ATP8A2: variants seen among roughly 807,000 people sequenced by gnomAD.
ATP8A2 encodes ATPase phospholipid transporting 8A2, also known as phospholipid-transporting ATPase IB.
In ATP8A2, 100 loss-of-function variants were observed where a neutral mutation model predicts 165.6. The ratio of observed to expected loss-of-function variants is 0.60; its 90% CI spans 0.51 to 0.71. ATP8A2 has a LOEUF of 0.71. Ranked by LOEUF, ATP8A2 falls within the 30% of genes least tolerant of loss-of-function variation. The pLI, the probability that ATP8A2 is intolerant of heterozygous loss-of-function variation, is 0.00. For missense variants in ATP8A2, 1,227 were observed against 1,479.5 expected, an observed-to-expected ratio of 0.83 and a Z score of 2.80; for synonymous variants, 543 against 548.8, an observed-to-expected ratio of 0.99 and a Z score of 0.15.
At chr13:25,934,747 TGAA>T (rs1566282102) in intron 33 of ATP8A2, among the ~76,000 whole-genome samples, 1 of 152,104 alleles carries the variant, frequency 6.6e-6, no homozygotes, top group Non-Finnish European at 1.5e-5. Context: ...AGCTGTGTCT[TGAA>T]GGAGGAAGAG....
intron 25 of ATP8A2, among the ~76,000 whole-genome samples, chr13:25,751,110 C>T (rs1042322021): frequency 1.3e-5 from 2 of 152,194 alleles, no homozygotes; most frequent in Non-Finnish European, 2.9e-5. Flanking sequence ...TCCTGATTCT[C>T]CTACAAGGAG....
intron 25 of ATP8A2, among the ~76,000 whole-genome samples, chr13:25,749,597 C>T (rs1407840599): frequency 6.6e-6 from 1 of 151,902 alleles, no homozygotes; most frequent in African/African-American, 2.4e-5. Context: ...CAGAAAGCCC[C>T]TTGAGTGAGC....
At chr13:25,957,478 A>C (rs1955554270) in intron 33 of ATP8A2, among the ~76,000 whole-genome samples, 1 of 152,262 alleles carries the variant, frequency 6.6e-6, no homozygotes, top group African/African-American at 2.4e-5. Context: ...TCTCAAAAGA[A>C]GACATTTATG....
At chr13:25,649,785 T>A (rs1353003968) in intron 24 of ATP8A2, among the ~76,000 whole-genome samples, 1 of 152,112 alleles carries the variant, frequency 6.6e-6, no homozygotes, top group Non-Finnish European at 1.5e-5. Flanking sequence ...ATTGTGCCTG[T>A]CTAGGAATTC....
At position 25,898,971 on chromosome 13, in the gene ATP8A2, C is replaced by T. The variant is rs570663297; in HGVS notation, c.3183+36563C>T. ...GGAAAGGGAATTCCTTGACCCCTTG[C>T]GCTTCCCGGGTGAGGTTATGCCTTG... On this transcript the variant is annotated intron_variant, in intron 33 of 36. Transcript: ENST00000381655. Among the ~76,000 whole-genome samples the T allele has an allele frequency of 2.0e-4, 30 of 152,338 alleles. 1 individual carries two copies. Among genetic ancestry groups the T allele is most frequent in the East Asian group, 5.8e-4 (3 of 5,176 alleles).
intron 2 of ATP8A2, among the ~76,000 whole-genome samples, chr13:25,511,714 A>C (rs1170475434): frequency 6.6e-6 from 1 of 152,124 alleles, no homozygotes; most frequent in Non-Finnish European, 1.5e-5. Flanking sequence ...TATGGTTTAG[A>C]AATAGCATTC....
chr13:26,007,543 T>C lies in ATP8A2; in HGVS notation c.3378-4988T>C, dbSNP rs530581262. 1.2e-3 allele frequency among the ~76,000 whole-genome samples: 185 copies of C among 152,348 alleles called. 1 individual carries two copies. Among genetic ancestry groups the C allele is most frequent in the African/African-American group, 4.4e-3 (181 of 41,588 alleles). ...TGGTGTTTTCCAGTAGTTGGTTCAG[T>C]GAAATAACAGATTATTTATAGAAAC... On this transcript the variant is annotated intron_variant, in intron 35 of 36. Coordinates refer to ENST00000381655, the MANE Select transcript of ATP8A2 (RefSeq NM_016529.6).
At chr13:25,773,996 G>A (rs144607519) in intron 26 of ATP8A2, among the ~76,000 whole-genome samples, 3 of 152,300 alleles carry the variant, frequency 2.0e-5, no homozygotes, top group Middle Eastern at 6.8e-3. Flanking sequence ...TGTATTGTGT[G>A]AGTGTCCCTG....
At chr13:25,744,814 C>T (rs2043993619) in intron 25 of ATP8A2, among the ~76,000 whole-genome samples, 1 of 152,176 alleles carries the variant, frequency 6.6e-6, no homozygotes, top group Admixed American at 6.5e-5. Context: ...TAATTAGAAA[C>T]AGGTTGTATT....
In ATP8A2 at chr13:25,422,224, A is replaced by C. The variant is rs1253891638; in HGVS notation, c.77-46753A>C. Among the ~76,000 whole-genome samples the C allele has an allele frequency of 2.6e-5, 4 of 152,236 alleles. No individual in the cohort carries two copies. The East Asian group carries it at 7.7e-4, about 29-fold the overall frequency. On this transcript the variant is annotated intron_variant, in intron 1 of 36. Transcript: ENST00000381655. Reference sequence around the variant, plus strand: ...AATTTCTTAAGGACTTAGTAAATACATACAGAGGCATTTTTGAAAGCAAGT... The same window carrying C: ...AATTTCTTAAGGACTTAGTAAATACCTACAGAGGCATTTTTGAAAGCAAGT...
At chr13:25,401,997 G>A (rs1227266707) in intron 1 of ATP8A2, among the ~76,000 whole-genome samples, 3 of 151,890 alleles carry the variant, frequency 2.0e-5, no homozygotes, top group Non-Finnish European at 4.4e-5. Flanking sequence ...ACAGAATATG[G>A]ACATGAGCCA....
intron 24 of ATP8A2, among the ~76,000 whole-genome samples, chr13:25,610,821 C>A (rs1196007832): frequency 6.9e-6 from 1 of 144,736 alleles, no homozygotes; most frequent in Non-Finnish European, 1.5e-5. Flanking sequence ...TTTATAATTT[C>A]TTTTAGCAGT....
intron 33 of ATP8A2, among the ~76,000 whole-genome samples, chr13:25,891,263 A>T (rs1211668789): frequency 6.6e-6 from 1 of 152,136 alleles, no homozygotes; most frequent in East Asian, 1.9e-4. Flanking sequence ...ATCGTGTTGA[A>T]AGTGTGTCAT....
At chr13:25,906,877 G>C (rs1415124204) in intron 33 of ATP8A2, among the ~76,000 whole-genome samples, 1 of 152,144 alleles carries the variant, frequency 6.6e-6, no homozygotes, top group African/African-American at 2.4e-5. Context: ...TTTTGTTAAT[G>C]AACAGTCAAA....
chr13:25,912,623 T>A (rs182331679), intron 33 of ATP8A2, among the ~76,000 whole-genome samples: 220 of 152,342 alleles, frequency 1.4e-3, no homozygotes, highest in African/African-American at 5.1e-3. Context: ...ATTGTATTCG[T>A]GAATCATGGC....
intron 25 of ATP8A2, among the ~76,000 whole-genome samples, chr13:25,736,372 A>T (rs2043769000): frequency 6.6e-6 from 1 of 152,230 alleles, no homozygotes; most frequent in Admixed American, 6.5e-5. Context: ...CACAGAAGGC[A>T]CTACTGCAAT....
intron 33 of ATP8A2, among the ~76,000 whole-genome samples, chr13:25,947,391 T>C (rs905028794): frequency 2.0e-5 from 3 of 152,160 alleles, no homozygotes; most frequent in African/African-American, 7.2e-5. Flanking sequence ...GCATCACTCT[T>C]GTCAGGCCCT....
At position 25,674,271 on chromosome 13, in the gene ATP8A2, C is replaced by T. The variant is rs78157012; in HGVS notation, c.2212-24902C>T. Among the ~76,000 whole-genome samples, 2,950 of 152,178 alleles carry T rather than the reference C, an allele frequency of 0.019. 208 individuals are homozygous for T. In the East Asian group the frequency reaches 0.24, roughly 12 times the overall value. On this transcript the variant is annotated intron_variant, in intron 24 of 36. Coordinates refer to ENST00000381655, the MANE Select transcript of ATP8A2 (RefSeq NM_016529.6). ...CTATGAGGGTCCAGATGTGTCCCCC[C>T]CCGAAAACTAAATCTATAAGGACCT...
intron 27 of ATP8A2, among the ~76,000 whole-genome samples, chr13:25,820,301 A>G (rs564213984): frequency 6.6e-6 from 1 of 152,296 alleles, no homozygotes; most frequent in African/African-American, 2.4e-5. Context: ...ACAACACTAC[A>G]TTTGAGGACC....
Sources: allele counts gnomAD v4.1 joint callset (sites outside exome capture counted in the v4.1 genomes callset), GRCh38; gene constraint gnomAD v4.1.1; transcripts MANE v1.5; gene names NCBI Gene and HGNC (gene_info 2026-07-23, HGNC 2026-07-21).